Variants in FHIT observed in about 807,000 individuals in gnomAD.
FHIT encodes bis(5'-adenosyl)-triphosphatase.
Under a neutral mutation model 17.9 loss-of-function variants are expected in FHIT, and 19 were observed. The ratio of observed to expected loss-of-function variants is 1.06; its 90% CI spans 0.74 to 1.56. The LOEUF is 1.56. FHIT is among the 40% of genes most tolerant of loss of function. FHIT has a pLI of 0.00. For missense variants in FHIT, 248 were observed against 189.2 expected (o/e 1.31, Z -1.82); for synonymous variants, 81 against 69.7 (o/e 1.16, Z -0.81).
intron 3 of FHIT, among the ~76,000 whole-genome samples, chr3:60,894,677 C>CAA (rs55641632): frequency 6.7e-6 from 1 of 150,290 alleles, no homozygotes. Flanking sequence ...CAAAACAAAA[C>CAA]AAAAAAAAAC....
intron 3 of FHIT, among the ~76,000 whole-genome samples, chr3:60,886,820 C>A (rs1705244885): frequency 6.6e-6 from 1 of 152,130 alleles, no homozygotes; most frequent in African/African-American, 2.4e-5. Context: ...TCTATCCCTA[C>A]ACCAAATTAG....
chr3:61,129,386 A>G (rs2036702044), intron 2 of FHIT, among the ~76,000 whole-genome samples: 1 of 152,152 alleles, frequency 6.6e-6, no homozygotes, highest in Admixed American at 6.5e-5. Flanking sequence ...AAATAAGGAG[A>G]GTGTGCAACT....
chr3:60,007,889 A>T (rs1699985777), intron 7 of FHIT, among the ~76,000 whole-genome samples: 1 of 152,164 alleles, frequency 6.6e-6, no homozygotes, highest in Non-Finnish European at 1.5e-5. Context: ...GAATTCTTTT[A>T]TGGCACACTT....
At chr3:60,468,935 GA>G (rs1224177154) in intron 5 of FHIT, among the ~76,000 whole-genome samples, 3 of 151,402 alleles carry the variant, frequency 2.0e-5, no homozygotes, top group Non-Finnish European at 2.9e-5. Context: ...ATTTTCACTG[GA>G]TATACTATTG....
At chr3:61,220,082 T>A (rs2039797490) in intron 1 of FHIT, among the ~76,000 whole-genome samples, 1 of 152,154 alleles carries the variant, frequency 6.6e-6, no homozygotes, top group Admixed American at 6.5e-5. Flanking sequence ...ATTATTTACA[T>A]ACCTAGGAAA....
At chr3:60,042,255 T>C (rs569990633) in intron 5 of FHIT, among the ~76,000 whole-genome samples, 38 of 152,344 alleles carry the variant, frequency 2.5e-4, no homozygotes, top group African/African-American at 8.4e-4. Flanking sequence ...TGAAAAAGCA[T>C]TTTGAATGGA....
intron 5 of FHIT, among the ~76,000 whole-genome samples, chr3:60,371,332 C>T (rs956366495): frequency 6.6e-6 from 1 of 151,826 alleles, no homozygotes; most frequent in Non-Finnish European, 1.5e-5. Flanking sequence ...TTTTATGCTA[C>T]AACCATTTTA....
chr3:61,078,658 A>G (rs904585092), intron 2 of FHIT, among the ~76,000 whole-genome samples: 1 of 152,146 alleles, frequency 6.6e-6, no homozygotes, highest in African/African-American at 2.4e-5. Flanking sequence ...TTTCTCCAAT[A>G]ATATTATCAG....
At chr3:60,890,393 C>T (rs1705455562) in intron 3 of FHIT, among the ~76,000 whole-genome samples, 1 of 152,160 alleles carries the variant, frequency 6.6e-6, no homozygotes, top group African/African-American at 2.4e-5. Context: ...TTGACCCAGC[C>T]TACACCAAAT....
chr3:59,989,882 T>C (rs1257128718), intron 7 of FHIT, among the ~76,000 whole-genome samples: 1 of 152,070 alleles, frequency 6.6e-6, no homozygotes, highest in Non-Finnish European at 1.5e-5. Flanking sequence ...GAGGATTACT[T>C]TCCAGTAGCA....
At chr3:60,695,676 T>C (rs2041098129) in intron 4 of FHIT, among the ~76,000 whole-genome samples, 1 of 152,168 alleles carries the variant, frequency 6.6e-6, no homozygotes, top group Admixed American at 6.6e-5. Flanking sequence ...TCAACATAAT[T>C]GCTGCTGCTG....
At chr3:60,461,135 TA>T (rs1431610265) in intron 5 of FHIT, among the ~76,000 whole-genome samples, 4 of 152,152 alleles carry the variant, frequency 2.6e-5, no homozygotes, top group Non-Finnish European at 2.9e-5. Flanking sequence ...CACTGAAAAA[TA>T]AAATCTTTAT....
intron 4 of FHIT, among the ~76,000 whole-genome samples, chr3:60,794,513 T>C (rs1700906980): frequency 6.6e-6 from 1 of 152,176 alleles, no homozygotes; most frequent in Admixed American, 6.5e-5. Flanking sequence ...TTAGATTTGC[T>C]AAAATGCAGT....
At chr3:60,523,170 G>T (rs1032719005) in intron 5 of FHIT, among the ~76,000 whole-genome samples, 2 of 152,112 alleles carry the variant, frequency 1.3e-5, no homozygotes, top group Non-Finnish European at 2.9e-5. Context: ...GGAATTATGG[G>T]AGCTATAATT....
rs142309006 is a variant in FHIT at position 60,133,859 on chromosome 3, T to C, written c.104-119707A>G. Among the ~76,000 whole-genome samples, 524 of 150,994 alleles carry C rather than the reference T, an allele frequency of 3.5e-3. 3 individuals carry two copies. Among genetic ancestry groups the C allele is most frequent in the Admixed American group, 0.021 (315 of 15,190 alleles). Reference sequence around the variant, plus strand: ...AAATAAAGAATTAAAAAAAAAAACATGTTTCCATTTTTGTGACAGTTTCCC... The same window carrying C: ...AAATAAAGAATTAAAAAAAAAAACACGTTTCCATTTTTGTGACAGTTTCCC... On this transcript the variant is annotated intron_variant, in intron 5 of 9. Transcript: ENST00000492590.
At chr3:59,766,060 G>A (rs961602632) in intron 8 of FHIT, among the ~76,000 whole-genome samples, 1 of 152,184 alleles carries the variant, frequency 6.6e-6, no homozygotes, top group Non-Finnish European at 1.5e-5. Context: ...CATAGATTGA[G>A]GATGCTGGAC....
intron 4 of FHIT, among the ~76,000 whole-genome samples, chr3:60,573,870 C>G (rs946960577): frequency 1.3e-5 from 2 of 151,842 alleles, no homozygotes; most frequent in Admixed American, 6.6e-5. Flanking sequence ...GGCGCAGTGA[C>G]GTGATCTCAG....
intron 4 of FHIT, among the ~76,000 whole-genome samples, chr3:60,671,014 T>A (rs1318077620): frequency 2.0e-5 from 3 of 152,152 alleles, no homozygotes; most frequent in Non-Finnish European, 4.4e-5. Context: ...CAGCAAGATG[T>A]ACTGACTTTT....
At chr3:61,152,453 T>G (rs1298531473) in intron 2 of FHIT, among the ~76,000 whole-genome samples, 1 of 152,248 alleles carries the variant, frequency 6.6e-6, no homozygotes, top group Non-Finnish European at 1.5e-5. Flanking sequence ...CAAAACAATT[T>G]CCTTGTACAA....
Sources: gnomAD v4.1 joint callset for allele counts (sites outside exome capture counted in the v4.1 genomes callset) on GRCh38, gnomAD v4.1.1 for gene constraint, MANE v1.5 for transcripts, NCBI Gene and HGNC (gene_info 2026-07-23, HGNC 2026-07-21) for gene names.